Variants in GALNT8 observed in about 807,000 individuals in gnomAD.
GALNT8 encodes polypeptide N-acetylgalactosaminyltransferase 8.
A neutral mutation model predicts 62.7 loss-of-function variants in GALNT8; 66 were observed. That is an observed-to-expected ratio of 1.05 (90% CI 0.86 to 1.29). The LOEUF is 1.29. Ranked by LOEUF, GALNT8 falls within the 50% of genes most tolerant of loss-of-function variation. The pLI, the probability that GALNT8 is intolerant of heterozygous loss-of-function variation, is 0.00. For synonymous variants in GALNT8, 288 were observed against 294.3 expected, an observed-to-expected ratio of 0.98 and a Z score of 0.22; for missense variants, 771 against 791.8, an observed-to-expected ratio of 0.97 and a Z score of 0.32.
chr12:4,721,563 C>G (rs1158070590), intron 1 of GALNT8, among the ~76,000 whole-genome samples: 5 of 152,186 alleles, frequency 3.3e-5, no homozygotes, highest in African/African-American at 9.7e-5. Context: ...TACACATAAA[C>G]ATCTCAATGC....
intron 10 of GALNT8, among the ~76,000 whole-genome samples, chr12:4,770,344 C>A (rs1432993625): frequency 1.3e-5 from 2 of 150,610 alleles, no homozygotes; most frequent in Non-Finnish European, 3.0e-5. Flanking sequence ...CAAAAAAAAT[C>A]AAACCCAAAA....
At position 4,746,168 on chromosome 12, in the gene GALNT8, G is replaced by A. The variant is rs746651403; in HGVS notation, c.1083G>A (p.Leu361=). The A allele has an allele frequency of 9.9e-6, 16 of 1,611,300 alleles. No individual in the cohort carries two copies. Among genetic ancestry groups the A allele is most frequent in the Admixed American group, 3.3e-5 (2 of 60,010 alleles). Residue 361 remains leucine (L), a synonymous_variant, in exon 6 of 11, where the codon CTG becomes CTA. Coordinates refer to ENST00000252318, the MANE Select transcript of GALNT8 (RefSeq NM_017417.2). ...PVKSPSIMGI[L]AANRHFLGEI... ...GGAGTCCTTCAATCATGGGCATCCT[G>A]GCTGCTAACAGGCACTTCCTGGGAG... is the stretch of plus-strand genomic sequence containing the variant.
intron 10 of GALNT8, 90 bp downstream of exon 10, chr12:4,765,636 C>T: frequency 9.3e-6 from 9 of 969,370 alleles, no homozygotes; most frequent in Non-Finnish European, 1.4e-5. Context: ...GGCTAGAGTG[C>T]AGTGGCTTCT....
intron 3 of GALNT8, among the ~76,000 whole-genome samples, chr12:4,739,776 T>C (rs1946263363): frequency 6.6e-6 from 1 of 151,840 alleles, no homozygotes; most frequent in South Asian, 2.1e-4. Flanking sequence ...GCCATTCTCC[T>C]GCCTCAGCCT....
chr12:4,728,182 T>C (rs925965598), intron 2 of GALNT8, among the ~76,000 whole-genome samples: 1 of 148,238 alleles, frequency 6.7e-6, no homozygotes, highest in African/African-American at 2.5e-5. Context: ...AAATGTCTAT[T>C]TGGAGACGTT....
chr12:4,726,516 T>C lies in GALNT8; in HGVS notation c.212-16T>C. ...TGAAATGTTTTCTCTCCCACCCCTG[T>C]CCTCTTCATTTGCAGAAGAAAGTAT... On this transcript the variant is annotated splice_polypyrimidine_tract_variant and intron_variant, in intron 1 of 10. Coordinates refer to ENST00000252318, the MANE Select transcript of GALNT8 (RefSeq NM_017417.2). The surrounding 1 kb of genome is among the most constrained non-coding windows in gnomAD (Gnocchi z 4.1). 6.3e-7 allele frequency: 1 copy of C among 1,597,472 alleles called. No individual in the cohort carries two copies. The highest frequency in any genetic ancestry group is 8.6e-7 in the Non-Finnish European group (1 of 1,168,234).
Position 4,739,746 on chromosome 12 carries a change from G to T in GALNT8, c.676+417G>T, listed in dbSNP as rs553455920. Among the ~76,000 whole-genome samples, 4 of 149,414 alleles carry T rather than the reference G, an allele frequency of 2.7e-5. No homozygotes were observed. The East Asian group carries it at 7.9e-4, about 30-fold the overall frequency. On this transcript the variant is annotated intron_variant, in intron 3 of 10. Coordinates refer to ENST00000252318, the MANE Select transcript of GALNT8 (RefSeq NM_017417.2). ...GTGGTGGGATCTCGGCTCACTGCAA[G>T]CTCTGCCTACTGGGTCCGCGCCATT...
chr12:4,765,140 G>A (rs985729401), intron 9 of GALNT8, among the ~76,000 whole-genome samples: 4 of 152,040 alleles, frequency 2.6e-5, no homozygotes, highest in African/African-American at 9.7e-5. Context: ...ATCCATGTAA[G>A]CTATGATTCT....
chr12:4,772,514 G>A lies in GALNT8; in HGVS notation c.1831G>A (p.Val611Met), dbSNP rs34114277. The change falls in exon 11 of 11, where the codon GTG becomes ATG. Residue 611 changes from valine to methionine, a missense_variant. Coordinates refer to ENST00000252318, the MANE Select transcript of GALNT8 (RefSeq NM_017417.2). ...EMKKDLLGSH[V>M]LVLQTCSTQV... is the part of the protein sequence containing the mutation. ...GAAGAAGGATCTTTTGGGTAGCCAC[G>A]TGCTTGTGCTCCAGACCTGTAGCAC... 2.2e-3 allele frequency: 3,627 copies of A among 1,613,782 alleles called. 75 individuals carry two copies. In the African/African-American group the frequency reaches 0.041, roughly 18 times the overall value.
intron 2 of GALNT8, among the ~76,000 whole-genome samples, chr12:4,736,875 G>A (rs11063324): frequency 0.033 from 5,000 of 152,096 alleles, 192 homozygotes; most frequent in South Asian, 0.18. Context: ...CTTTAGAAGG[G>A]GCCCAGATAT....
chr12:4,722,580 A>C (rs1946175823), intron 1 of GALNT8, among the ~76,000 whole-genome samples: 1 of 152,212 alleles, frequency 6.6e-6, no homozygotes, highest in South Asian at 2.1e-4. Context: ...ATGGAAGTCT[A>C]ATGCCTCTGA....
chr12:4,749,516 T>C lies in GALNT8; in HGVS notation c.1173+3258T>C, dbSNP rs1946313856. Among the ~76,000 whole-genome samples the C allele has an allele frequency of 6.6e-6, 1 of 152,198 alleles. No homozygotes were observed. On this transcript the variant is annotated intron_variant, in intron 6 of 10. Coordinates refer to ENST00000252318, the MANE Select transcript of GALNT8 (RefSeq NM_017417.2). This position sits in a 1 kb window ranked among gnomAD's most constrained non-coding sequence, Gnocchi z 4.1. ...CCCAGGGATAAATCCCACTTGGTCA[T>C]AATGAATGACCTTTCTAATGTATTG... is the stretch of plus-strand genomic sequence containing the variant.
In GALNT8 at chr12:4,745,496, A is replaced by C; in HGVS notation, c.928A>C (p.Ile310Leu). ...TVIVSPVFDN[I>L]RFDTFKLDKY... The stretch of plus-strand genomic sequence containing the variant: ...GATTGTGTCTCCTGTGTTTGACAAC[A>C]TTCGTTTTGACACCTTCAAACTGGA... Residue 310 changes from isoleucine to leucine, a missense_variant, in exon 5 of 11, where the codon ATT becomes CTT. Coordinates refer to ENST00000252318, the MANE Select transcript of GALNT8 (RefSeq NM_017417.2). 6.2e-7 allele frequency: 1 copy of C among 1,613,200 alleles called. No individual in the cohort carries two copies. The highest frequency in any genetic ancestry group is 1.1e-5 in the South Asian group (1 of 91,046).
At chr12:4,739,753 C>T (rs1196118511) in intron 3 of GALNT8, among the ~76,000 whole-genome samples, 1 of 150,676 alleles carries the variant, frequency 6.6e-6, no homozygotes, top group African/African-American at 2.4e-5. Context: ...CAAGCTCTGC[C>T]TACTGGGTCC....
intron 10 of GALNT8, among the ~76,000 whole-genome samples, chr12:4,768,893 T>G (rs1946411169): frequency 6.6e-6 from 1 of 152,092 alleles, no homozygotes; most frequent in African/African-American, 2.4e-5. Flanking sequence ...ACCAAAGAAA[T>G]TTTCCAAAAT....
chr12:4,740,045 G>T (rs1483371659), intron 3 of GALNT8, among the ~76,000 whole-genome samples: 1 of 152,138 alleles, frequency 6.6e-6, no homozygotes, highest in Admixed American at 6.5e-5. Context: ...ATACCAGGAA[G>T]GGACTTAGAG....
intron 2 of GALNT8, among the ~76,000 whole-genome samples, chr12:4,736,522 A>C (rs1443576661): frequency 1.3e-5 from 2 of 152,064 alleles, no homozygotes; most frequent in African/African-American, 4.8e-5. Flanking sequence ...ATCTCTGATG[A>C]ATAAGTGGCT....
In GALNT8 at chr12:4,761,063, C is replaced by T. The variant is rs142857763; in HGVS notation, c.1279C>T (p.Arg427Cys). The change falls in exon 7 of 11, where the codon CGC becomes TGC. Residue 427 changes from arginine to cysteine, a missense_variant. Arg to Cys is a radical substitution (Grantham distance 180). Transcript: ENST00000252318. ...CTTGGATCTCACCGCTGCCTTGAAG[C>T]GCAATGCTCTGCGAGTGGCCGAAAT... ...YALDLTAALK[R>C]NALRVAEIWM... 2.7e-5 allele frequency: 44 copies of T among 1,613,854 alleles called. No homozygotes were observed. In the African/African-American group the frequency reaches 4.0e-4, roughly 15 times the overall value.
intron 8 of GALNT8, 52 bp downstream of exon 8, chr12:4,763,442 C>T: frequency 6.8e-7 from 1 of 1,463,068 alleles, no homozygotes; most frequent in South Asian, 1.2e-5. Context: ...CTGTGAAAGA[C>T]AATGCGGCCT....
Sources: allele counts gnomAD v4.1 joint callset (sites outside exome capture counted in the v4.1 genomes callset), GRCh38; gene constraint gnomAD v4.1.1; non-coding constraint Gnocchi (gnomAD v3.1); transcripts MANE v1.5; gene names NCBI Gene and HGNC (gene_info 2026-07-23, HGNC 2026-07-21).